The following RNF144A variants were observed in gnomAD, a reference collection of about 807,000 sequenced individuals.
RNF144A encodes the protein ring finger protein 144A.
A neutral mutation model predicts 38.7 loss-of-function variants in RNF144A; 11 were observed. The observed-to-expected ratio is 0.28, with a 90% CI of 0.18 to 0.47. RNF144A has a LOEUF of 0.47. Among genes scored for constraint, RNF144A ranks in the 20% least tolerant of loss-of-function variants. The pLI, the probability that RNF144A is intolerant of heterozygous loss-of-function variation, is 0.99. For synonymous variants in RNF144A, 149 were observed against 143.9 expected (o/e 1.04, Z -0.25); for missense variants, 316 against 377.2 (o/e 0.84, Z 1.34).
chr2:7,011,384 A>G (rs577778877), intron 3 of RNF144A, among the ~76,000 whole-genome samples: 75 of 152,334 alleles, frequency 4.9e-4, no homozygotes, highest in East Asian at 1.3e-3. Flanking sequence ...AAAGTTTTCA[A>G]TTGAGGAGTA....
intron 6 of RNF144A, among the ~76,000 whole-genome samples, chr2:7,023,011 C>G (rs1377984846): frequency 6.6e-6 from 1 of 152,156 alleles, no homozygotes; most frequent in Non-Finnish European, 1.5e-5. Context: ...GGATTTTGTG[C>G]TTAACATGTT....
chr2:6,936,263 T>C (rs1485910773), intron 1 of RNF144A, among the ~76,000 whole-genome samples: 1 of 152,214 alleles, frequency 6.6e-6, no homozygotes, highest in African/African-American at 2.4e-5. Flanking sequence ...CCTGGTTGTA[T>C]TTTATTGTAG....
At chr2:6,979,394 A>G (rs934414437) in intron 2 of RNF144A, among the ~76,000 whole-genome samples, 1 of 152,180 alleles carries the variant, frequency 6.6e-6, no homozygotes, top group East Asian at 1.9e-4. Flanking sequence ...GAAGTTGAGC[A>G]CTGGATTTAT....
intron 8 of RNF144A, among the ~76,000 whole-genome samples, chr2:7,031,447 G>T (rs963645601): frequency 6.6e-6 from 1 of 152,226 alleles, no homozygotes; most frequent in Non-Finnish European, 1.5e-5. Context: ...GGTCAGAGAT[G>T]ATGGCAGGGA....
intron 2 of RNF144A, among the ~76,000 whole-genome samples, chr2:6,984,545 G>T (rs565055549): frequency 1.7e-4 from 26 of 152,056 alleles, no homozygotes; most frequent in African/African-American, 6.0e-4. Context: ...CTCATGATCC[G>T]CCCGCCTCAG....
At chr2:6,935,636 TGGGA>T (rs879464701) in intron 1 of RNF144A, among the ~76,000 whole-genome samples, 35,949 of 150,014 alleles carry the variant, frequency 0.24, 4,069 homozygotes, top group Non-Finnish European at 0.28. Context: ...AGCATGTAAA[TGGGA>T]TGGCCTCTCA....
intron 7 of RNF144A, among the ~76,000 whole-genome samples, chr2:7,029,583 A>G (rs914625273): frequency 1.3e-5 from 2 of 152,182 alleles, no homozygotes; most frequent in African/African-American, 4.8e-5. Flanking sequence ...CTGAGTGGAG[A>G]GGAAGCGCTT....
chr2:7,001,829 T>C (rs972293410), intron 3 of RNF144A, among the ~76,000 whole-genome samples: 1 of 152,252 alleles, frequency 6.6e-6, no homozygotes, highest in Non-Finnish European at 1.5e-5. Flanking sequence ...CTGTGGGATA[T>C]AGGTTCAGAT....
chr2:7,024,591 G>C (rs565630090), intron 7 of RNF144A, 75 bp downstream of exon 7: 1 of 1,525,440 alleles, frequency 6.6e-7, no homozygotes, highest in Admixed American at 1.8e-5. Context: ...AAATAGACCA[G>C]CTGTTTCCTA....
intron 8 of RNF144A, among the ~76,000 whole-genome samples, chr2:7,038,296 C>G (rs1194782703): frequency 6.6e-6 from 1 of 152,194 alleles, no homozygotes; most frequent in African/African-American, 2.4e-5. Context: ...TCTCAGCCAC[C>G]TGCCATTGGA....
intron 6 of RNF144A, among the ~76,000 whole-genome samples, chr2:7,056,646 G>A (rs1673751105): frequency 6.6e-6 from 1 of 152,078 alleles, no homozygotes; most frequent in Non-Finnish European, 1.5e-5. Context: ...TCCTCCCAAT[G>A]GCATTTCCTG....
chr2:7,024,443 A>T lies in RNF144A; in HGVS notation c.584A>T (p.Asp195Val). ...CPKCKVYIER[D>V]EGCAQMMCKN... ...AAGTGCAAAGTCTACATCGAGCGAG[A>T]CGAAGGCTGCGCGCAGATGATGTGC... The change falls in exon 7 of 9, where the codon GAC becomes GTC. Residue 195 changes from aspartate to valine, a missense_variant. Asp to Val is a radical substitution (Grantham distance 152). Transcript: ENST00000320892. 6.2e-7 allele frequency: 1 copy of T among 1,613,222 alleles called. No homozygotes were observed. Among genetic ancestry groups the T allele is most frequent in the Non-Finnish European group, 8.5e-7 (1 of 1,179,178 alleles).
At chr2:6,997,204 G>C in intron 3 of RNF144A, 143 bp downstream of exon 3, 1 of 712,692 alleles carries the variant, frequency 1.4e-6, no homozygotes. Flanking sequence ...CACAGTTCTT[G>C]GAAGAATTAT....
chr2:6,923,827 G>A (rs1032594215), intron 1 of RNF144A, among the ~76,000 whole-genome samples: 3 of 150,766 alleles, frequency 2.0e-5, no homozygotes, highest in Admixed American at 6.6e-5. Context: ...CTGTAGTTGC[G>A]TTTAAAACTC....
intron 2 of RNF144A, among the ~76,000 whole-genome samples, chr2:6,966,560 A>G (rs1461565627): frequency 2.0e-5 from 3 of 152,206 alleles, no homozygotes; most frequent in African/African-American, 7.2e-5. Flanking sequence ...CCAGTCACCA[A>G]AATGTCTAAA....
intron 2 of RNF144A, among the ~76,000 whole-genome samples, chr2:6,980,582 T>C (rs1668568082): frequency 6.6e-6 from 1 of 152,244 alleles, no homozygotes. Flanking sequence ...TCTCACGGCC[T>C]TGGGCAGCTC....
intron 1 of RNF144A, among the ~76,000 whole-genome samples, chr2:6,925,887 CACAT>C (rs771765776): frequency 2.6e-5 from 4 of 152,212 alleles, no homozygotes; most frequent in African/African-American, 4.8e-5. Context: ...CACAAACACA[CACAT>C]ACACATGCAT....
intron 1 of RNF144A, chr2:6,933,180 T>C (rs1421840071): frequency 6.6e-6 from 1 of 152,212 alleles, no homozygotes; most frequent in Non-Finnish European, 1.5e-5. Flanking sequence ...GGAAGAGAAG[T>C]GGAGGGATTC....
chr2:6,925,524 T>C (rs1415477307), intron 1 of RNF144A, among the ~76,000 whole-genome samples: 2 of 152,128 alleles, frequency 1.3e-5, no homozygotes, highest in Non-Finnish European at 2.9e-5. Flanking sequence ...TGGCCAGATA[T>C]GAGAGTAAGA....
Sources: allele counts gnomAD v4.1 joint callset (sites outside exome capture counted in the v4.1 genomes callset), GRCh38; gene constraint gnomAD v4.1.1; transcripts MANE v1.5; gene names NCBI Gene and HGNC (gene_info 2026-07-23, HGNC 2026-07-21).